TRIM66: variants seen among roughly 807,000 people sequenced by gnomAD.
TRIM66 encodes the protein tripartite motif-containing protein 66.
Under a neutral mutation model 148.2 loss-of-function variants are expected in TRIM66, and 99 were observed. That is an observed-to-expected ratio of 0.67 (90% CI 0.57 to 0.79). TRIM66 has a LOEUF of 0.79. Among genes scored for constraint, TRIM66 ranks in the 30% least tolerant of loss-of-function variants. The pLI, the probability that TRIM66 is intolerant of heterozygous loss-of-function variation, is 0.00. For missense variants in TRIM66, 1,666 were observed against 1,697.9 expected, an observed-to-expected ratio of 0.98 and a Z score of 0.33; for synonymous variants, 616 against 635.9, an observed-to-expected ratio of 0.97 and a Z score of 0.47.
At chr11:8,652,566 C>T (rs1700401774) in intron 6 of TRIM66, among the ~76,000 whole-genome samples, 1 of 152,074 alleles carries the variant, frequency 6.6e-6, no homozygotes, top group Non-Finnish European at 1.5e-5. Context: ...ACAATCTCTC[C>T]CCAGAGAAAT....
At chr11:8,681,810 G>T (rs2039443311) in intron 1 of TRIM66, among the ~76,000 whole-genome samples, 1 of 152,202 alleles carries the variant, frequency 6.6e-6, no homozygotes, top group Admixed American at 6.5e-5. Flanking sequence ...GGTTATACTA[G>T]ATTGTGTGGT....
In TRIM66 at chr11:8,641,171, GAGTTTTTCAAA is replaced by G. The variant is rs1482550029; in HGVS notation, c.1223-30_1223-20del. 6 of 1,532,550 alleles carry G rather than the reference GAGTTTTTCAAA, an allele frequency of 3.9e-6. No homozygotes were observed. Among genetic ancestry groups the G allele is most frequent in the Non-Finnish European group, 5.3e-6 (6 of 1,135,140 alleles). 94.9% of individuals were successfully genotyped at this position (1,532,550 alleles called of 1,614,324 possible). ...ATGCAGCCTGAAAATGCAGAATAGA[GAGTTTTTCAAA>G]AGTTTTTCAAGTTGCTCCCACCTTG... On this transcript the variant is annotated intron_variant, in intron 13 of 24. Transcript: ENST00000646038.
At chr11:8,622,703 G>T in intron 18 of TRIM66, 113 bp downstream of exon 18, 1 of 975,746 alleles carries the variant, frequency 1.0e-6, no homozygotes, top group Non-Finnish European at 1.6e-6. Flanking sequence ...GAAGGCAGTT[G>T]CAGGCAAATT....
intron 12 of TRIM66, among the ~76,000 whole-genome samples, chr11:8,643,920 T>A (rs894909659): frequency 9.2e-5 from 14 of 152,204 alleles, no homozygotes; most frequent in African/African-American, 3.4e-4. Context: ...CAACTTACCC[T>A]GCTATCCTCT....
At chr11:8,644,442 G>A in intron 12 of TRIM66, 1 of 448,984 alleles carries the variant, frequency 2.2e-6, no homozygotes, top group Admixed American at 2.4e-5. Flanking sequence ...ATTTCACAGA[G>A]AAAAAAAAGA....
intron 6 of TRIM66, 167 bp downstream of exon 6, chr11:8,671,619 A>T: frequency 1.7e-6 from 1 of 592,462 alleles, no homozygotes; most frequent in South Asian, 2.1e-5. Flanking sequence ...TTAGGCATCA[A>T]GAGGATTCAC....
At position 8,671,805 on chromosome 11, in the gene TRIM66, A is replaced by T. The variant is rs1178900471; in HGVS notation, c.321T>A (p.Ala107=). The change falls in exon 6 of 25, where the codon GCT becomes GCA. Residue 107 remains alanine, a synonymous_variant. Transcript: ENST00000646038. ...ACTTACCATCTGCAACAGTCTCATGAGCCTTGGCAATCTGCCCTAGCTCCT... is the reference window on the plus strand; with the variant it reads ...ACTTACCATCTGCAACAGTCTCATGTGCCTTGGCAATCTGCCCTAGCTCCT... ...LIQELGQIAK[A]HETVADELIS... is the part of the protein sequence containing the mutation. The T allele has an allele frequency of 6.9e-7, 1 of 1,450,244 alleles. No individual in the cohort carries two copies. The highest frequency in any genetic ancestry group is 9.4e-7 in the Non-Finnish European group (1 of 1,068,470). The allele number at this position is 1,450,244 out of a possible 1,614,324, so 89.8% of individuals were successfully genotyped here.
chr11:8,626,178 G>C (rs1042687316), intron 15 of TRIM66, among the ~76,000 whole-genome samples: 6 of 152,064 alleles, frequency 3.9e-5, no homozygotes, highest in Non-Finnish European at 2.9e-5. Context: ...GAGGGAGACT[G>C]GCTCTAAATA....
At position 8,613,677 on chromosome 11, in the gene TRIM66, G is replaced by C. The variant is rs2033540741; in HGVS notation, c.*4267C>G. 1 of 152,340 alleles carries C rather than the reference G, an allele frequency of 6.6e-6. No individual in the cohort carries two copies. The highest frequency in any genetic ancestry group is 2.4e-5 in the African/African-American group (1 of 41,448). 9.4% of individuals were successfully genotyped at this position (152,340 alleles called of 1,614,324 possible). A position where few individuals can be genotyped will look rare whatever the true frequency, so the allele number is the denominator to read the frequency against. On this transcript the variant is annotated 3_prime_UTR_variant, in exon 25 of 25. Coordinates refer to ENST00000646038, the MANE Select transcript of TRIM66 (RefSeq NM_001388022.1). Reference sequence around the variant, plus strand: ...GAGCAGTGGAGTAAGCGAGGGAGCAGTCTTGGAGGACATACAACAGGATTC... The same window carrying C: ...GAGCAGTGGAGTAAGCGAGGGAGCACTCTTGGAGGACATACAACAGGATTC...
Position 8,613,352 on chromosome 11 carries a change from G to C in TRIM66, c.*4592C>G, listed in dbSNP as rs1257568400. The C allele has an allele frequency of 6.6e-6, 1 of 152,196 alleles. No homozygotes were observed. The highest frequency in any genetic ancestry group is 1.9e-4 in the East Asian group (1 of 5,190). 9.4% of individuals were successfully genotyped at this position (152,196 alleles called of 1,614,324 possible). On this transcript the variant is annotated 3_prime_UTR_variant, in exon 25 of 25. Transcript: ENST00000646038. ...TAAGGGAGGAGGTTGTTTCACTGAG[G>C]GTTGGTGGGTGGTGTGAAATGCTGC...
intron 6 of TRIM66, among the ~76,000 whole-genome samples, chr11:8,660,679 G>T (rs2038185902): frequency 6.6e-6 from 1 of 152,196 alleles, no homozygotes; most frequent in Non-Finnish European, 1.5e-5. Context: ...CTTAAATTGT[G>T]CTAGCCTCAC....
At chr11:8,663,344 C>T (rs1277369515) in intron 6 of TRIM66, 2 of 152,130 alleles carry the variant, frequency 1.3e-5, no homozygotes, top group Non-Finnish European at 2.9e-5. Context: ...TCCAAGATGC[C>T]TGAAACAGTG....
intron 1 of TRIM66, among the ~76,000 whole-genome samples, chr11:8,680,359 A>C (rs1287758297): frequency 6.6e-6 from 1 of 152,218 alleles, no homozygotes; most frequent in Non-Finnish European, 1.5e-5. Flanking sequence ...GGTGTGAAGG[A>C]TACAGAAATT....
At chr11:8,632,491 T>C (rs2035505837) in intron 15 of TRIM66, among the ~76,000 whole-genome samples, 1 of 146,042 alleles carries the variant, frequency 6.8e-6, no homozygotes, top group Non-Finnish European at 1.5e-5. Flanking sequence ...ATTCTTACTC[T>C]GTGGGCCAGG....
chr11:8,634,712 T>C (rs1273177979), intron 15 of TRIM66, among the ~76,000 whole-genome samples: 1 of 152,078 alleles, frequency 6.6e-6, no homozygotes, highest in Non-Finnish European at 1.5e-5. Flanking sequence ...CACTAGAAAA[T>C]CCATTCTAGA....
chr11:8,619,251 C>T, intron 23 of TRIM66, 132 bp downstream of exon 23: 2 of 1,085,598 alleles, frequency 1.8e-6, no homozygotes, highest in South Asian at 1.7e-5. Flanking sequence ...ACACTCACCA[C>T]AGCAGGCCCC....
intron 17 of TRIM66, 62 bp from the exon 18 acceptor site, chr11:8,622,938 A>G (rs373197399): frequency 2.9e-5 from 40 of 1,398,516 alleles, no homozygotes; most frequent in East Asian, 9.9e-5. Context: ...CCCGTCATGC[A>G]TATCTTCTAC....
intron 13 of TRIM66, 68 bp from the exon 14 acceptor site, chr11:8,641,220 C>A (rs1457466017): frequency 1.4e-6 from 2 of 1,391,934 alleles, no homozygotes; most frequent in Non-Finnish European, 1.9e-6. Context: ...ACTTCCTGCT[C>A]CTGGGACAAA....
In TRIM66 at chr11:8,672,323, G is replaced by A. The variant is rs2038977198; in HGVS notation, c.-49C>T. The A allele has an allele frequency of 6.5e-7, 1 of 1,535,998 alleles. No homozygotes were observed. Among genetic ancestry groups the A allele is most frequent in the Non-Finnish European group, 8.7e-7 (1 of 1,146,858 alleles). ...GGAGGTGTCTGCTGTTTGTCTGAAGGCGAACAAACCCTTCAAAAGTGTCCC... is the reference window on the plus strand; with the variant it reads ...GGAGGTGTCTGCTGTTTGTCTGAAGACGAACAAACCCTTCAAAAGTGTCCC... On this transcript the variant is annotated 5_prime_UTR_variant, in exon 5 of 25. Coordinates refer to ENST00000646038, the MANE Select transcript of TRIM66 (RefSeq NM_001388022.1).
Sources: gnomAD v4.1 joint callset for allele counts (sites outside exome capture counted in the v4.1 genomes callset) on GRCh38, gnomAD v4.1.1 for gene constraint, MANE v1.5 for transcripts, NCBI Gene and HGNC (gene_info 2026-07-23, HGNC 2026-07-21) for gene names.